APBA1: variants seen among roughly 807,000 people sequenced by gnomAD.
APBA1 encodes the protein amyloid beta precursor protein binding family A member 1, also known as amyloid-beta A4 precursor protein-binding family A member 1.
Under a neutral mutation model 86.6 loss-of-function variants are expected in APBA1, and 55 were observed. The ratio of observed to expected loss-of-function variants is 0.64; its 90% confidence interval spans 0.51 to 0.80. APBA1 has a LOEUF of 0.80. Among genes scored for constraint, APBA1 ranks in the 30% least tolerant of loss-of-function variants. The pLI is 0.00. For missense variants in APBA1, 1,090 were observed against 1,183.0 expected, an observed-to-expected ratio of 0.92 and a Z score of 1.15; for synonymous variants, 511 against 493.9, an observed-to-expected ratio of 1.03 and a Z score of -0.46.
chr9:69,464,514 C>T (rs912855928), intron 5 of APBA1: 1 of 152,150 alleles, frequency 6.6e-6, no homozygotes, highest in African/African-American at 2.4e-5. Flanking sequence ...AATCAGAAAG[C>T]CTCTATCTTG....
intron 2 of APBA1, among the ~76,000 whole-genome samples, chr9:69,489,956 C>T (rs951295073): frequency 6.6e-6 from 1 of 152,086 alleles, no homozygotes; most frequent in Non-Finnish European, 1.5e-5. Flanking sequence ...ACCATTTGAT[C>T]CTGCCATCCC....
At chr9:69,497,580 T>C (rs1449587549) in intron 2 of APBA1, among the ~76,000 whole-genome samples, 4 of 152,130 alleles carry the variant, frequency 2.6e-5, no homozygotes, top group Non-Finnish European at 4.4e-5. Flanking sequence ...CCTTAACTTA[T>C]GAAAGGGTCT....
At chr9:69,669,881 T>C (rs768571961) in intron 1 of APBA1, among the ~76,000 whole-genome samples, 3 of 152,232 alleles carry the variant, frequency 2.0e-5, no homozygotes, top group Non-Finnish European at 4.4e-5. Flanking sequence ...AACAGGGTAT[T>C]TACCTGGTAA....
rs991904647 is a variant in APBA1 at position 69,503,209 on chromosome 9, T to C, written c.1200+12802A>G. Reference sequence around the variant, plus strand: ...GATGGTTCCTTTGGTCAGTGAGTCATCTCTAAAGGATTCCTACTCTTGCAT... The same window carrying C: ...GATGGTTCCTTTGGTCAGTGAGTCACCTCTAAAGGATTCCTACTCTTGCAT... On this transcript the variant is annotated intron_variant, in intron 2 of 12. Transcript: ENST00000265381. 6.6e-5 allele frequency among the ~76,000 whole-genome samples: 10 copies of C among 152,222 alleles called. No homozygotes were observed. In the East Asian group the frequency reaches 1.9e-3, roughly 29 times the overall value.
chr9:69,601,981 A>C (rs1268311366), intron 1 of APBA1, among the ~76,000 whole-genome samples: 1 of 152,226 alleles, frequency 6.6e-6, no homozygotes, highest in African/African-American at 2.4e-5. Flanking sequence ...TGACACACAG[A>C]CCATGCTTTG....
chr9:69,545,769 C>T (rs1836688246), intron 1 of APBA1, among the ~76,000 whole-genome samples: 1 of 152,136 alleles, frequency 6.6e-6, no homozygotes, highest in Non-Finnish European at 1.5e-5. Context: ...TTTATAATGT[C>T]CTGAATCTTC....
At chr9:69,557,373 A>C (rs1053297306) in intron 1 of APBA1, among the ~76,000 whole-genome samples, 1 of 152,194 alleles carries the variant, frequency 6.6e-6, no homozygotes, top group Admixed American at 6.5e-5. Context: ...CAGTATCTTC[A>C]AAGCAAGATT....
chr9:69,628,160 C>T (rs1388847479), intron 1 of APBA1, among the ~76,000 whole-genome samples: 1 of 152,142 alleles, frequency 6.6e-6, no homozygotes, highest in African/African-American at 2.4e-5. Flanking sequence ...CTCCTGTCTA[C>T]AGTTAGCAGA....
chr9:69,474,815 G>A (rs1835416830), intron 3 of APBA1, among the ~76,000 whole-genome samples: 1 of 152,128 alleles, frequency 6.6e-6, no homozygotes, highest in South Asian at 2.1e-4. Flanking sequence ...GCAAATATAT[G>A]GTATTCAAGG....
intron 1 of APBA1, among the ~76,000 whole-genome samples, chr9:69,524,449 A>G (rs905504761): frequency 3.3e-5 from 5 of 152,148 alleles, no homozygotes; most frequent in African/African-American, 1.2e-4. Context: ...ACTATTATGA[A>G]CACCTCTATA....
intron 10 of APBA1, among the ~76,000 whole-genome samples, chr9:69,448,317 G>A (rs139042476): frequency 9.8e-5 from 15 of 152,364 alleles, no homozygotes; most frequent in Non-Finnish European, 1.9e-4. Flanking sequence ...TCCTCAGAGC[G>A]CAGCTCAGTG....
intron 1 of APBA1, among the ~76,000 whole-genome samples, chr9:69,615,591 A>G (rs1588394450): frequency 1.3e-5 from 2 of 152,308 alleles, no homozygotes; most frequent in African/African-American, 2.4e-5. Context: ...CCTAGCCTCA[A>G]TAGATTTTAA....
At chr9:69,626,505 C>T (rs1327634164) in intron 1 of APBA1, among the ~76,000 whole-genome samples, 1 of 152,132 alleles carries the variant, frequency 6.6e-6, no homozygotes, top group Non-Finnish European at 1.5e-5. Context: ...GTCACATACT[C>T]ATCGTGTGTA....
intron 1 of APBA1, among the ~76,000 whole-genome samples, chr9:69,555,855 T>C (rs1380114080): frequency 1.3e-5 from 2 of 152,208 alleles, no homozygotes; most frequent in African/African-American, 4.8e-5. Context: ...CATTTATCCA[T>C]TGTGGCCTTA....
At chr9:69,549,075 C>G (rs1032329023) in intron 1 of APBA1, among the ~76,000 whole-genome samples, 1 of 152,186 alleles carries the variant, frequency 6.6e-6, no homozygotes, top group African/African-American at 2.4e-5. Context: ...CAGGGCCACA[C>G]AGATGATGCA....
intron 1 of APBA1, 101 bp downstream of exon 1, chr9:69,672,052 T>C: frequency 6.5e-6 from 1 of 153,046 alleles, no homozygotes; most frequent in Non-Finnish European, 1.5e-5. Context: ...AGGCAGCCCC[T>C]CTCGCGTCCG....
At chr9:69,545,529 C>T (rs1211311533) in intron 1 of APBA1, among the ~76,000 whole-genome samples, 3 of 152,204 alleles carry the variant, frequency 2.0e-5, no homozygotes, top group Admixed American at 6.5e-5. Context: ...GGCAGGGAGA[C>T]ACCTGCTAAC....
chr9:69,458,776 C>T (rs1329627632), intron 5 of APBA1, among the ~76,000 whole-genome samples: 1 of 150,074 alleles, frequency 6.7e-6, no homozygotes, highest in African/African-American at 2.4e-5. Flanking sequence ...AATTTTGATA[C>T]ATTTGGGGAT....
At chr9:69,452,467 G>C (rs1250583994) in intron 8 of APBA1, among the ~76,000 whole-genome samples, 166 bp from the exon 9 acceptor site, 1 of 152,190 alleles carries the variant, frequency 6.6e-6, no homozygotes, top group East Asian at 1.9e-4. Flanking sequence ...TGCCCACCAG[G>C]GGCAATTTTC....
Sources: allele counts gnomAD v4.1 joint callset (sites outside exome capture counted in the v4.1 genomes callset), GRCh38; gene constraint gnomAD v4.1.1; transcripts MANE v1.5; gene names NCBI Gene and HGNC (gene_info 2026-07-23, HGNC 2026-07-21).